SLC45A3: variants seen among roughly 807,000 people sequenced by gnomAD.
SLC45A3 encodes prostate cancer associated protein 2.
A neutral mutation model predicts 35.3 loss-of-function variants in SLC45A3; 17 were observed. The ratio of observed to expected loss-of-function variants is 0.48; its 90% CI spans 0.33 to 0.72. The LOEUF is 0.72. Ranked by LOEUF, SLC45A3 falls within the 30% of genes least tolerant of loss-of-function variation. The pLI is 0.02. For synonymous variants in SLC45A3, 288 were observed against 334.3 expected (o/e 0.86, Z 1.51); for missense variants, 597 against 731.7 (o/e 0.82, Z 2.12).
rs1387379088 is a variant in SLC45A3, at chr1:205,666,117, G to A, written c.-230-1231C>T. 6.6e-6 allele frequency among the ~76,000 whole-genome samples: 1 copy of A among 152,164 alleles called. No individual in the cohort carries two copies. Among genetic ancestry groups the A allele is most frequent in the African/African-American group, 2.4e-5 (1 of 41,430 alleles). ...CAATCTCAGCACCTCATTATAAAAG[G>A]CATTTCAACTTATCTTATCTTTTCA... On this transcript the variant is annotated intron_variant, in intron 1 of 4. Transcript: ENST00000367145. This position sits in a 1 kb window ranked among gnomAD's most constrained non-coding sequence, Gnocchi z 4.1.
At chr1:205,665,222 G>C (rs1258089528) in intron 1 of SLC45A3, among the ~76,000 whole-genome samples, 1 of 152,104 alleles carries the variant, frequency 6.6e-6, no homozygotes, top group African/African-American at 2.4e-5. Context: ...ATTTTTAGTT[G>C]CCCAGCTATC....
intron 1 of SLC45A3, among the ~76,000 whole-genome samples, chr1:205,673,451 G>C (rs1671250366): frequency 1.3e-5 from 2 of 152,198 alleles, no homozygotes; most frequent in Admixed American, 6.5e-5. Flanking sequence ...CTGCCAGTCA[G>C]CCAGGCTAGA....
chr1:205,672,093 G>T (rs1175634663), intron 1 of SLC45A3, among the ~76,000 whole-genome samples: 1 of 152,084 alleles, frequency 6.6e-6, no homozygotes, highest in Non-Finnish European at 1.5e-5. Context: ...GGATATGAAA[G>T]TTCCTGGCGG....
chr1:205,664,965 C>T lies in SLC45A3; in HGVS notation c.-230-79G>A. ...GTCTCCACGATTTGCTCTAAATTGT[C>T]TGGATCCTGATCATTCACAGGCTGG... On this transcript the variant is annotated intron_variant, in intron 1 of 4. Transcript: ENST00000367145. This position sits in a 1 kb window ranked among gnomAD's most constrained non-coding sequence, Gnocchi z 5.3. 1 of 1,203,848 alleles carries T rather than the reference C, an allele frequency of 8.3e-7. No homozygotes were observed. Among genetic ancestry groups the T allele is most frequent in the Non-Finnish European group, 1.0e-6 (1 of 964,812 alleles). The allele number at this position is 1,203,848 out of a possible 1,614,324, so 74.6% of individuals were successfully genotyped here.
At chr1:205,668,501 G>A (rs1039731509) in intron 1 of SLC45A3, among the ~76,000 whole-genome samples, 3 of 152,026 alleles carry the variant, frequency 2.0e-5, no homozygotes, top group Non-Finnish European at 4.4e-5. Context: ...TTGGAACCCC[G>A]CCTCCTGCCC....
chr1:205,673,049 C>G (rs1671245424), intron 1 of SLC45A3, among the ~76,000 whole-genome samples: 1 of 152,126 alleles, frequency 6.6e-6, no homozygotes, highest in Non-Finnish European at 1.5e-5. Context: ...GACACCCCAG[C>G]CGCACTTACC....
In SLC45A3 at chr1:205,662,361, A is replaced by G; in HGVS notation, c.959-235T>C. On this transcript the variant is annotated intron_variant, in intron 3 of 4. Transcript: ENST00000367145. The surrounding 1 kb of genome is among the most constrained non-coding windows in gnomAD (Gnocchi z 6.2). ...CTGAAGGCAGAGGAAGGTAGTCTGA[A>G]GGTTTCCTGGGAGTCTCAGCTGTGA... is the stretch of plus-strand genomic sequence containing the variant. 2 of 1,400,490 alleles carry G rather than the reference A, an allele frequency of 1.4e-6. No individual in the cohort carries two copies. The highest frequency in any genetic ancestry group is 1.8e-6 in the Non-Finnish European group (2 of 1,081,686). The allele number at this position is 1,400,490 out of a possible 1,614,324, so 86.8% of individuals were successfully genotyped here. A position where few individuals can be genotyped will look rare whatever the true frequency, so the allele number is the denominator to read the frequency against.
chr1:205,677,314 T>C (rs1177966466), intron 1 of SLC45A3, among the ~76,000 whole-genome samples: 1 of 152,176 alleles, frequency 6.6e-6, no homozygotes, highest in Non-Finnish European at 1.5e-5. Flanking sequence ...CTTCGTAGCT[T>C]ACATATAGTT....
In SLC45A3 at chr1:205,663,117, G is replaced by A. The variant is rs775525434; in HGVS notation, c.674C>T (p.Pro225Leu). The change falls in exon 3 of 5, where the codon CCC becomes CTC. Residue 225 changes from proline to leucine, a missense_variant. Coordinates refer to ENST00000367145, the MANE Select transcript of SLC45A3 (RefSeq NM_033102.3). ...LLVAEEAALG[P>L]TEPAEGLSAP... ...CGACAGCCCTTCTGCTGGCTCGGTGGGGCCCAGCGCTGCCTCCTCAGCCAC... is the reference window on the plus strand; with the variant it reads ...CGACAGCCCTTCTGCTGGCTCGGTGAGGCCCAGCGCTGCCTCCTCAGCCAC... The A allele has an allele frequency of 6.3e-7, 1 of 1,581,562 alleles. No homozygotes were observed. The highest frequency in any genetic ancestry group is 1.1e-5 in the South Asian group (1 of 90,234).
rs946258737 is a variant in SLC45A3, at chr1:205,658,390, C to T, written c.*844G>A. 1 of 232,870 alleles carries T rather than the reference C, an allele frequency of 4.3e-6. No homozygotes were observed. 14.4% of individuals were successfully genotyped at this position (232,870 alleles called of 1,614,324 possible). On this transcript the variant is annotated 3_prime_UTR_variant, in exon 5 of 5. Transcript: ENST00000367145. ...TTGGGATGAGTAGAATTTCCAAGGT[C>T]CTGGGTTAGGCATTTTGGGGGGCCA...
chr1:205,671,685 C>A (rs1671216614), intron 1 of SLC45A3, among the ~76,000 whole-genome samples: 1 of 152,142 alleles, frequency 6.6e-6, no homozygotes, highest in Admixed American at 6.5e-5. Context: ...AATGGTGAAA[C>A]CCCGTCTCTA....
At position 205,658,293 on chromosome 1, in the gene SLC45A3, TG is replaced by T. The variant is rs1175191964; in HGVS notation, c.*940del. The stretch of plus-strand genomic sequence containing the variant: ...GAAGAGGGGTGGTTAGGGAAGCCGT[TG>T]AGACCTGAAGCCCCACCCTCTACCT... On this transcript the variant is annotated 3_prime_UTR_variant, in exon 5 of 5. Transcript: ENST00000367145. The T allele has an allele frequency of 8.6e-6, 2 of 232,608 alleles. No individual in the cohort carries two copies. Among genetic ancestry groups the T allele is most frequent in the African/African-American group, 4.4e-5 (2 of 45,294 alleles). 14.4% of individuals were successfully genotyped at this position (232,608 alleles called of 1,614,324 possible).
chr1:205,659,382 G>A lies in SLC45A3; in HGVS notation c.1514C>T (p.Ala505Val), dbSNP rs1217505490. 5 of 1,614,096 alleles carry A rather than the reference G, an allele frequency of 3.1e-6. No homozygotes were observed. In the African/African-American group the frequency reaches 6.7e-5, roughly 22 times the overall value. The stretch of plus-strand genomic sequence containing the variant: ...AATGGAGCCCATAAACAGGGATGGG[G>A]CCACCTGGGACAGCAGGAAGGCACT... ...LDSAFLLSQV[A>V]PSLFMGSIVQ... Residue 505 changes from alanine to valine, a missense_variant, in exon 5 of 5, where the codon GCC becomes GTC. Coordinates refer to ENST00000367145, the MANE Select transcript of SLC45A3 (RefSeq NM_033102.3). The surrounding 1 kb of genome is among the most constrained non-coding windows in gnomAD (Gnocchi z 5.8).
At position 205,663,507 on chromosome 1, in the gene SLC45A3, C is replaced by T; in HGVS notation, c.284G>A (p.Gly95Asp). ...GATGAGAAAGAGGCTCAGCAGGATG[C>T]CCAAGGACAGTGCCCAGATGAAGGG... ...RRPFIWALSL[G>D]ILLSLFLIPR... The change falls in exon 3 of 5, where the codon GGC (glycine) becomes GAC (aspartate). Residue 95 changes from glycine to aspartate, a missense_variant. Physicochemically the swap from Gly to Asp is moderately conservative, Grantham distance 94. Coordinates refer to ENST00000367145, the MANE Select transcript of SLC45A3 (RefSeq NM_033102.3). 1 of 1,613,102 alleles carries T rather than the reference C, an allele frequency of 6.2e-7. No homozygotes were observed. The highest frequency in any genetic ancestry group is 8.5e-7 in the Non-Finnish European group (1 of 1,179,972).
rs2275753 is a variant in SLC45A3 at position 205,658,945 on chromosome 1, G to A, written c.*289C>T. The A allele has an allele frequency of 0.045, 18,010 of 403,592 alleles. 708 individuals are homozygous for A. Among genetic ancestry groups the A allele is most frequent in the East Asian group, 0.17 (4,207 of 24,652 alleles). The allele number at this position is 403,592 out of a possible 1,614,324, so 25.0% of individuals were successfully genotyped here. On this transcript the variant is annotated 3_prime_UTR_variant, in exon 5 of 5. Coordinates refer to ENST00000367145, the MANE Select transcript of SLC45A3 (RefSeq NM_033102.3). ...TGGGTAATCCACCTGCAGAGTCCCC[G>A]CATTCCAGTGCATGGAGCCCTTCTG...
rs1263775282 is a variant in SLC45A3, at chr1:205,663,227, C to T, written c.564G>A (p.Leu188=). ...CCTCCTGGGTGCCCAGGTAGGGGGC[C>T]AGGGCACTGGTGTCCCAGTCAATGG... The part of the protein sequence containing the change: ...LPAIDWDTSA[L]APYLGTQEEC... The change falls in exon 3 of 5, where the codon CTG becomes CTA. Residue 188 remains leucine, a synonymous_variant. Coordinates refer to ENST00000367145, the MANE Select transcript of SLC45A3 (RefSeq NM_033102.3). The T allele has an allele frequency of 6.2e-7, 1 of 1,613,574 alleles. No homozygotes were observed. Among genetic ancestry groups the T allele is most frequent in the Admixed American group, 1.7e-5 (1 of 60,022 alleles).
intron 1 of SLC45A3, among the ~76,000 whole-genome samples, chr1:205,672,648 T>G (rs80060584): frequency 6.6e-6 from 1 of 152,306 alleles, no homozygotes; most frequent in African/African-American, 2.4e-5. Context: ...AGCAGAAAAT[T>G]CGAACCATTT....
At position 205,669,789 on chromosome 1, in the gene SLC45A3, G is replaced by C. The variant is rs1479425416; in HGVS notation, c.-230-4903C>G. Among the ~76,000 whole-genome samples, 2 of 152,230 alleles carry C rather than the reference G, an allele frequency of 1.3e-5. No homozygotes were observed. The highest frequency in any genetic ancestry group is 6.5e-5 in the Admixed American group (1 of 15,286). ...CTCCCCACAGAAGGGGAAATCGGGGGCTGGTGAGGCACGAGGAATAATGAC... is the reference window on the plus strand; with the variant it reads ...CTCCCCACAGAAGGGGAAATCGGGGCCTGGTGAGGCACGAGGAATAATGAC... On this transcript the variant is annotated intron_variant, in intron 1 of 4. Coordinates refer to ENST00000367145, the MANE Select transcript of SLC45A3 (RefSeq NM_033102.3). The surrounding 1 kb of genome is among the most constrained non-coding windows in gnomAD (Gnocchi z 4.1).
Position 205,666,559 on chromosome 1 carries a change from C to T in SLC45A3, c.-230-1673G>A, listed in dbSNP as rs967917743. ...GGGTAAGGTCTGTTCACTCCACCAC[C>T]ACCTTCAGGGGCTTTGCAGCTGGCA... On this transcript the variant is annotated intron_variant, in intron 1 of 4. Transcript: ENST00000367145. The surrounding 1 kb of genome is among the most constrained non-coding windows in gnomAD (Gnocchi z 4.1). 2.6e-5 allele frequency among the ~76,000 whole-genome samples: 4 copies of T among 152,164 alleles called. No individual in the cohort carries two copies. Among genetic ancestry groups the T allele is most frequent in the Admixed American group, 1.3e-4 (2 of 15,278 alleles).
Sources: allele counts gnomAD v4.1 joint callset (sites outside exome capture counted in the v4.1 genomes callset), GRCh38; gene constraint gnomAD v4.1.1; non-coding constraint Gnocchi (gnomAD v3.1); transcripts MANE v1.5; gene names NCBI Gene and HGNC (gene_info 2026-07-23, HGNC 2026-07-21).